CDH3: variants seen among roughly 807,000 people sequenced by gnomAD.
The protein encoded by CDH3 is cadherin-3.
A neutral mutation model predicts 82.0 loss-of-function variants in CDH3; 54 were observed. The ratio of observed to expected loss-of-function variants is 0.66; its 90% confidence interval spans 0.53 to 0.83. The LOEUF (loss-of-function observed/expected upper bound fraction) is 0.83. Among genes scored for constraint, CDH3 ranks in the 40% least tolerant of loss-of-function variants. CDH3 has a pLI of 0.00. For synonymous variants in CDH3, 446 were observed against 437.9 expected (o/e 1.02, Z -0.23); for missense variants, 1,054 against 1,084.6 (o/e 0.97, Z 0.40).
At chr16:68,708,652 T>C (rs12446821) in intron 1 of CDH3, among the ~76,000 whole-genome samples, 19 of 148,116 alleles carry the variant, frequency 1.3e-4, no homozygotes, top group South Asian at 6.4e-4. Flanking sequence ...TTTTTTTTTT[T>C]CTTTTTTTTG....
At chr16:68,650,029 G>A (rs1253904362) in intron 2 of CDH3, among the ~76,000 whole-genome samples, 6 of 151,178 alleles carry the variant, frequency 4.0e-5, no homozygotes, top group African/African-American at 9.7e-5. Flanking sequence ...GTGAGACTCC[G>A]CCTCAAAGAA....
At chr16:68,672,705 G>C (rs1285516254) in intron 2 of CDH3, among the ~76,000 whole-genome samples, 2 of 152,172 alleles carry the variant, frequency 1.3e-5, no homozygotes, top group African/African-American at 4.8e-5. Context: ...GGCAGGGCTG[G>C]TTCCTAAGCG....
At chr16:68,730,075 A>G (rs1220916987), downstream of CDH3, among the ~76,000 whole-genome samples, 1 of 151,682 alleles carries the variant, frequency 6.6e-6, no homozygotes, top group Non-Finnish European at 1.5e-5. Context: ...TCTACTAAAA[A>G]TACAAAAATT....
At chr16:68,662,441 C>G (rs909886639) in intron 2 of CDH3, among the ~76,000 whole-genome samples, 1 of 152,042 alleles carries the variant, frequency 6.6e-6, no homozygotes, top group Non-Finnish European at 1.5e-5. Context: ...TGCTCTCCAG[C>G]CTGGACCATA....
At chr16:68,684,386 G>GGAT (rs1457145445) in intron 9 of CDH3, among the ~76,000 whole-genome samples, 197 bp from the exon 10 acceptor site, 1 of 152,166 alleles carries the variant, frequency 6.6e-6, no homozygotes, top group African/African-American at 2.4e-5. Flanking sequence ...GTTACTTTTA[G>GGAT]GATGGTCTGA....
At chr16:68,654,310 TG>T (rs995804494) in intron 2 of CDH3, among the ~76,000 whole-genome samples, 11 of 147,506 alleles carry the variant, frequency 7.5e-5, no homozygotes, top group Admixed American at 7.4e-4. Flanking sequence ...CTACCCGCCT[TG>T]GCCTCCCAAA....
Position 68,663,741 on chromosome 16 carries a change from G to T in CDH3, c.161-12644G>T, listed in dbSNP as rs1212869851. On this transcript the variant is annotated intron_variant, in intron 2 of 15. Coordinates refer to ENST00000264012, the MANE Select transcript of CDH3 (RefSeq NM_001793.6). ...CTCTAAGGGAGAAATGGTCAAGGAA[G>T]AAGCAGCTGCTAGCTAAACCATATG... is the stretch of plus-strand genomic sequence containing the variant. Among the ~76,000 whole-genome samples the T allele has an allele frequency of 2.6e-5, 4 of 152,022 alleles. No individual in the cohort carries two copies. The East Asian group carries it at 7.7e-4, about 29-fold the overall frequency.
intron 15 of CDH3, 74 bp downstream of exon 15, chr16:68,695,997 GGGCCT>G: frequency 6.6e-7 from 1 of 1,522,616 alleles, no homozygotes; most frequent in South Asian, 1.1e-5. Context: ...GAACAAGCAT[GGGCCT>G]GGAGTCTTGG....
downstream of CDH3, among the ~76,000 whole-genome samples, chr16:68,731,539 CATATAT>C (rs35961197): frequency 2.5e-3 from 234 of 94,500 alleles, 11 homozygotes; most frequent in South Asian, 0.075. Context: ...CACACACACA[CATATAT>C]ATATATACAA....
At chr16:68,684,552 G>C in intron 9 of CDH3, 31 bp from the exon 10 acceptor site, 2 of 1,613,798 alleles carry the variant, frequency 1.2e-6, no homozygotes, top group Non-Finnish European at 8.5e-7. Flanking sequence ...TCAAAATGGT[G>C]GTCCAGGTCC....
At chr16:68,728,161 TTTTG>T (rs145903467), downstream of CDH3, among the ~76,000 whole-genome samples, 121,470 of 150,894 alleles carry the variant, frequency 0.81, 49,637 homozygotes, top group Non-Finnish European at 0.89. Flanking sequence ...TTATGAGGTT[TTTTG>T]TTTGTTTGTT....
rs377148297 is a variant in CDH3 at position 68,684,451 on chromosome 16, A to C, written c.1183-132A>C. 4.5e-5 allele frequency: 45 copies of C among 1,008,354 alleles called. 2 individuals carry two copies. In the African/African-American group the frequency reaches 6.6e-4, roughly 15 times the overall value. The allele number at this position is 1,008,354 out of a possible 1,614,324, so 62.5% of individuals were successfully genotyped here. On this transcript the variant is annotated intron_variant, in intron 9 of 15. Transcript: ENST00000264012. ...CACGGGAGTGTTTATGTTACAGAGA[A>C]AGGGCAGCACTGTTGCTAGTGAGGG...
chr16:68,659,526 G>A (rs530215908), intron 2 of CDH3, among the ~76,000 whole-genome samples: 14 of 151,118 alleles, frequency 9.3e-5, no homozygotes, highest in Non-Finnish European at 2.1e-4. Context: ...AGTGAGCCAA[G>A]ATCATACGAC....
chr16:68,680,836 A>G (rs1272258502), intron 7 of CDH3, 132 bp from the exon 8 acceptor site: 2 of 988,134 alleles, frequency 2.0e-6, no homozygotes, highest in African/African-American at 3.2e-5. Context: ...GGGGTGGTCA[A>G]GGAGTCAGCG....
intron 13 of CDH3, among the ~76,000 whole-genome samples, chr16:68,694,659 C>T (rs1040268116): frequency 3.3e-5 from 5 of 151,724 alleles, no homozygotes; most frequent in African/African-American, 9.7e-5. Context: ...CTGCATTCCA[C>T]GTAAGTTTAG....
At chr16:68,718,454 T>C (rs927582638) in intron 1 of CDH3, among the ~76,000 whole-genome samples, 1 of 151,092 alleles carries the variant, frequency 6.6e-6, no homozygotes, top group African/African-American at 2.4e-5. Context: ...CCGAGGCGGG[T>C]GGATCATCTG....
At chr16:68,703,587 C>T (rs753028748), downstream of CDH3, among the ~76,000 whole-genome samples, 1 of 152,196 alleles carries the variant, frequency 6.6e-6, no homozygotes, top group Admixed American at 6.5e-5. Flanking sequence ...GTTCAAATCC[C>T]GGCACTTCTA....
intron 2 of CDH3, among the ~76,000 whole-genome samples, chr16:68,652,529 G>A (rs1343770212): frequency 6.6e-6 from 1 of 152,178 alleles, no homozygotes; most frequent in Admixed American, 6.5e-5. Context: ...CATCAGTTGA[G>A]GCTTTGGTCC....
rs375382810 is a variant in CDH3, at chr16:68,676,514, C to T, written c.246+44C>T. 7 of 1,466,188 alleles carry T rather than the reference C, an allele frequency of 4.8e-6. No individual in the cohort carries two copies. The African/African-American group carries it at 8.3e-5, about 17-fold the overall frequency. The allele number at this position is 1,466,188 out of a possible 1,614,324, so 90.8% of individuals were successfully genotyped here. A position where few individuals can be genotyped will look rare whatever the true frequency, so the allele number is the denominator to read the frequency against. On this transcript the variant is annotated intron_variant, in intron 3 of 15. Transcript: ENST00000264012. Reference sequence around the variant, plus strand: ...CTGCAGGACAAAAGAAAGATGTTCTCTGTGCATGCCCAAATTGCTGGCCAG... The same window carrying T: ...CTGCAGGACAAAAGAAAGATGTTCTTTGTGCATGCCCAAATTGCTGGCCAG...
Sources: allele counts gnomAD v4.1 joint callset (sites outside exome capture counted in the v4.1 genomes callset), GRCh38; gene constraint gnomAD v4.1.1; transcripts MANE v1.5; gene names NCBI Gene and HGNC (gene_info 2026-07-23, HGNC 2026-07-21).